The following ZNF469 variants were observed in gnomAD, a reference collection of about 807,000 sequenced individuals.
ZNF469 encodes the protein zinc finger protein 469.
Under a neutral mutation model 1.0 loss-of-function variants are expected in ZNF469, and 1 was observed. The observed-to-expected ratio is 1.00, with a 90% CI of 0.35 to 4.73. The LOEUF (loss-of-function observed/expected upper bound fraction) is 4.73, where lower values mean the gene tolerates loss of function less well. ZNF469 is among the 30% of genes most tolerant of loss of function. ZNF469 has a pLI of 0.16. For synonymous variants in ZNF469, 2,703 were observed against 2,363.4 expected (o/e 1.14, Z -4.17); for missense variants, 6,100 against 5,356.3 (o/e 1.14, Z -4.33).
At chr16:88,269,542 C>T in the ZNF469 span, among the ~76,000 whole-genome samples, 11,096 of 152,126 alleles carry the variant, frequency 0.073, 1,324 homozygotes, top group African/African-American at 0.25. Context: ...TCCAAACACA[C>T]GGACCTCTTA....
the ZNF469 span, among the ~76,000 whole-genome samples, chr16:88,205,730 G>A: frequency 1.1e-4 from 17 of 152,310 alleles, no homozygotes; most frequent in South Asian, 3.1e-3. The surrounding 1 kb of genome is among the most constrained non-coding windows in gnomAD (Gnocchi z 4.2). Context: ...TGTCAGAGAC[G>A]CGCGATCATT....
chr16:88,353,633 G>A, the ZNF469 span, among the ~76,000 whole-genome samples: 26 of 152,234 alleles, frequency 1.7e-4, no homozygotes, highest in Non-Finnish European at 2.6e-4. Flanking sequence ...CGCGCGTGTC[G>A]TGGTGAACGG....
chr16:88,281,819 G>T, the ZNF469 span, among the ~76,000 whole-genome samples: 1 of 150,740 alleles, frequency 6.6e-6, no homozygotes, highest in Non-Finnish European at 1.5e-5. Context: ...TGGCACACAG[G>T]TTGGTGCTGT....
the ZNF469 span, among the ~76,000 whole-genome samples, chr16:88,172,310 G>A: frequency 6.6e-6 from 1 of 152,196 alleles, no homozygotes; most frequent in Non-Finnish European, 1.5e-5. Context: ...AATACTTGGA[G>A]CTCACACAGG....
At chr16:88,240,299 A>G in the ZNF469 span, among the ~76,000 whole-genome samples, 2 of 152,122 alleles carry the variant, frequency 1.3e-5, no homozygotes, top group Non-Finnish European at 2.9e-5. Context: ...GAGTGGGAGG[A>G]AGTCCAGTCA....
chr16:88,340,708 G>C, the ZNF469 span, among the ~76,000 whole-genome samples: 24 of 151,762 alleles, frequency 1.6e-4, no homozygotes, highest in Admixed American at 5.9e-4. Flanking sequence ...GAGGAGTCCC[G>C]CTGGAACAGA....
rs1179098013 is a variant in ZNF469 at position 88,430,884 on chromosome 16, C to G, written c.3414C>G (p.Pro1138=). The G allele has an allele frequency of 6.5e-7, 1 of 1,537,606 alleles. No homozygotes were observed. The highest frequency in any genetic ancestry group is 2.0e-5 in the Admixed American group (1 of 50,918). ...QGPREDEPQK[P]RKAARQEAGG... Reference sequence around the variant, plus strand: ...CCAGAGAGGATGAGCCACAGAAACCCCGGAAGGCGGCGAGGCAGGAAGCCG... The same window carrying G: ...CCAGAGAGGATGAGCCACAGAAACCGCGGAAGGCGGCGAGGCAGGAAGCCG... Residue 1138 remains proline (P), a synonymous_variant, in exon 3 of 3, where the codon CCC becomes CCG. Transcript: ENST00000565624.
intron 1 of ZNF469, among the ~76,000 whole-genome samples, chr16:88,404,349 G>C (rs1599352084): frequency 6.6e-6 from 1 of 152,240 alleles, no homozygotes; most frequent in Admixed American, 6.5e-5. Flanking sequence ...GAGAGGCCCG[G>C]CAGACTGGCC....
the ZNF469 span, among the ~76,000 whole-genome samples, chr16:88,101,585 C>T: frequency 6.7e-6 from 1 of 149,840 alleles, no homozygotes; most frequent in African/African-American, 2.5e-5. Context: ...AGTGTGGAGG[C>T]AGAAGGGCTG....
At chr16:88,219,305 T>C in the ZNF469 span, among the ~76,000 whole-genome samples, 114,609 of 141,486 alleles carry the variant, frequency 0.81, 47,480 homozygotes, top group Non-Finnish European at 0.9. Context: ...GAGCCCGCAT[T>C]GCCAAGTCAA....
At position 88,431,759 on chromosome 16, in the gene ZNF469, C is replaced by T; in HGVS notation, c.4289C>T (p.Pro1430Leu). The change falls in exon 3 of 3, where the codon CCA (proline) becomes CTA (leucine). Residue 1430 changes from proline to leucine, a missense_variant. Transcript: ENST00000565624. ...EDAGSLEPQL[P>L]RSPPGTAETE... is the part of the protein sequence containing the mutation. ...GCCGGTTCCCTCGAGCCACAGCTGC[C>T]AAGGAGCCCACCTGGCACCGCTGAG... The T allele has an allele frequency of 6.5e-7, 1 of 1,550,022 alleles. No individual in the cohort carries two copies. Among genetic ancestry groups the T allele is most frequent in the African/African-American group, 1.4e-5 (1 of 73,192 alleles).
At chr16:88,193,445 TC>T in the ZNF469 span, 14 of 152,428 alleles carry the variant, frequency 9.2e-5, no homozygotes, top group East Asian at 2.1e-3. Flanking sequence ...ACACGTGTAA[TC>T]CCAGCACTTC....
chr16:88,403,147 T>C (rs1904931524), intron 1 of ZNF469, among the ~76,000 whole-genome samples: 3 of 152,044 alleles, frequency 2.0e-5, no homozygotes, highest in South Asian at 2.1e-4. Flanking sequence ...CCGAGTGCGG[T>C]TGGGAGCTCG....
chr16:88,433,178 G>C lies in ZNF469; in HGVS notation c.5708G>C (p.Arg1903Pro), dbSNP rs565007481. Residue 1903 changes from arginine to proline, a missense_variant, in exon 3 of 3, where the codon CGT becomes CCT. Transcript: ENST00000565624. ...GACCCAGCTTTGAGCCCCCCCATACGTCAGCTCCAGCTCCCAGGGCCTGGA... is the reference window on the plus strand; with the variant it reads ...GACCCAGCTTTGAGCCCCCCCATACCTCAGCTCCAGCTCCCAGGGCCTGGA... ...SQDPALSPPI[R>P]QLQLPGPGVA... 2 of 1,550,170 alleles carry C rather than the reference G, an allele frequency of 1.3e-6. No individual in the cohort carries two copies. The highest frequency in any genetic ancestry group is 4.9e-5 in the East Asian group (2 of 40,910).
At chr16:88,404,083 AC>A (rs1904960902) in intron 1 of ZNF469, among the ~76,000 whole-genome samples, 1 of 152,228 alleles carries the variant, frequency 6.6e-6, no homozygotes, top group South Asian at 2.1e-4. Context: ...CTTTAGAAAA[AC>A]AGTGATTGTT....
chr16:88,228,585 T>G, the ZNF469 span, among the ~76,000 whole-genome samples: 1 of 152,204 alleles, frequency 6.6e-6, no homozygotes, highest in Admixed American at 6.5e-5. Context: ...TCATCCTGAG[T>G]GTCCAAACCT....
chr16:88,215,453 G>T, the ZNF469 span, among the ~76,000 whole-genome samples: 2 of 128,404 alleles, frequency 1.6e-5, no homozygotes, highest in Non-Finnish European at 3.1e-5. Flanking sequence ...GCAGTGGCAT[G>T]ACCTGGGCTT....
the ZNF469 span, among the ~76,000 whole-genome samples, chr16:88,196,036 C>G: frequency 6.6e-6 from 1 of 152,224 alleles, no homozygotes; most frequent in Admixed American, 6.5e-5. Context: ...CAGTAATGTT[C>G]TGTTTTTCCT....
At chr16:88,376,908 G>A in the ZNF469 span, among the ~76,000 whole-genome samples, 2 of 152,292 alleles carry the variant, frequency 1.3e-5, no homozygotes, top group East Asian at 3.9e-4. Context: ...TCCTCCCAGC[G>A]TGCCCCGAGG....
Sources: allele counts gnomAD v4.1 joint callset (sites outside exome capture counted in the v4.1 genomes callset), GRCh38; gene constraint gnomAD v4.1.1; non-coding constraint Gnocchi (gnomAD v3.1); transcripts MANE v1.5; gene names NCBI Gene and HGNC (gene_info 2026-07-23, HGNC 2026-07-21).